DISC1: variants seen among roughly 807,000 people sequenced by gnomAD.
DISC1 encodes the protein DISC1 scaffold protein.
A neutral mutation model predicts 84.5 loss-of-function variants in DISC1; 57 were observed. The ratio of observed to expected loss-of-function variants is 0.67; its 90% confidence interval spans 0.55 to 0.84. The LOEUF is 0.84. Ranked by LOEUF, DISC1 falls within the 40% of genes least tolerant of loss-of-function variation. The pLI is 0.00. For missense variants in DISC1, 1,000 were observed against 1,057.8 expected, an observed-to-expected ratio of 0.95 and a Z score of 0.76; for synonymous variants, 411 against 415.2, an observed-to-expected ratio of 0.99 and a Z score of 0.12.
intron 7 of DISC1, among the ~76,000 whole-genome samples, chr1:231,799,806 G>C (rs1391560627): frequency 1.4e-5 from 2 of 146,894 alleles, no homozygotes; most frequent in Non-Finnish European, 3.0e-5. Context: ...CTTTATTTTT[G>C]TTCTTCTTCC....
intron 9 of DISC1, among the ~76,000 whole-genome samples, chr1:231,880,628 G>C (rs1365926446): frequency 6.6e-6 from 1 of 152,162 alleles, no homozygotes; most frequent in Non-Finnish European, 1.5e-5. Context: ...GAGACAGCAG[G>C]ATTTGCAGCA....
At chr1:231,666,974 C>T (rs1292848906) in intron 1 of DISC1, among the ~76,000 whole-genome samples, 1 of 152,154 alleles carries the variant, frequency 6.6e-6, no homozygotes, top group African/African-American at 2.4e-5. Flanking sequence ...TTATGTATTT[C>T]CAGGCGAATA....
chr1:231,841,112 T>C (rs755867410), intron 9 of DISC1, among the ~76,000 whole-genome samples: 23 of 152,156 alleles, frequency 1.5e-4, no homozygotes, highest in Admixed American at 4.6e-4. Flanking sequence ...GAAAAGCTCA[T>C]AGAAGCATTT....
intron 10 of DISC1, among the ~76,000 whole-genome samples, chr1:231,983,739 GA>G (rs1219702391): frequency 6.6e-6 from 1 of 152,028 alleles, no homozygotes; most frequent in African/African-American, 2.4e-5. Context: ...AGCTAGCAAA[GA>G]AAATACCTAA....
chr1:231,753,627 C>G (rs1179727691), intron 4 of DISC1, among the ~76,000 whole-genome samples: 1 of 152,226 alleles, frequency 6.6e-6, no homozygotes, highest in Non-Finnish European at 1.5e-5. Context: ...GCACTCAGCT[C>G]CTTTTTACTT....
In DISC1 at chr1:231,694,090, T is replaced by C; in HGVS notation, c.332T>C (p.Val111Ala). The change falls in exon 2 of 13, where the codon GTG becomes GCG. Residue 111 changes from valine to alanine, a missense_variant. By Grantham distance (64) the Val-to-Ala change is moderately conservative. Coordinates refer to ENST00000439617, the MANE Select transcript of DISC1 (RefSeq NM_018662.3). ...KSAAAPTVTS[V>A]RGTSAHFGIQ... ...GCAGCAGCCCCTACTGTGACCTCTG[T>C]GAGAGGAACCTCGGCGCACTTTGGG... The C allele has an allele frequency of 6.2e-7, 1 of 1,614,164 alleles. No individual in the cohort carries two copies. The highest frequency in any genetic ancestry group is 8.5e-7 in the Non-Finnish European group (1 of 1,180,014).
chr1:231,911,753 A>G (rs1179770724), intron 9 of DISC1, among the ~76,000 whole-genome samples: 2 of 152,146 alleles, frequency 1.3e-5, no homozygotes, highest in East Asian at 3.9e-4. Context: ...CTCCTGGATA[A>G]TATCCTGCAG....
chr1:231,896,339 C>G (rs954323173), intron 9 of DISC1, among the ~76,000 whole-genome samples: 7 of 152,124 alleles, frequency 4.6e-5, no homozygotes, highest in African/African-American at 1.7e-4. Flanking sequence ...AAAACAGCTG[C>G]CCATTTTAAA....
chr1:231,984,042 A>G (rs12057884), intron 10 of DISC1, among the ~76,000 whole-genome samples: 24,001 of 152,260 alleles, frequency 0.16, 3,633 homozygotes, highest in African/African-American at 0.39. Flanking sequence ...GCATGGGGCC[A>G]GGATTCAAAC....
At chr1:231,975,053 C>G (rs1017313322) in intron 10 of DISC1, among the ~76,000 whole-genome samples, 11 of 152,162 alleles carry the variant, frequency 7.2e-5, no homozygotes, top group Middle Eastern at 6.8e-3. Context: ...GAGCTGAGAT[C>G]GCACCACTGC....
intron 10 of DISC1, among the ~76,000 whole-genome samples, chr1:231,989,865 G>T (rs1664960082): frequency 6.6e-6 from 1 of 152,194 alleles, no homozygotes; most frequent in African/African-American, 2.4e-5. Context: ...TGCGCACCGA[G>T]TTCAGTATCT....
chr1:231,650,606 C>T (rs1029128626), intron 1 of DISC1, among the ~76,000 whole-genome samples: 6 of 152,142 alleles, frequency 3.9e-5, no homozygotes, highest in Non-Finnish European at 8.8e-5. Flanking sequence ...TGAATGTTGG[C>T]CTGCCTTGCT....
At chr1:231,896,998 T>G (rs1216476291) in intron 9 of DISC1, among the ~76,000 whole-genome samples, 1 of 152,188 alleles carries the variant, frequency 6.6e-6, no homozygotes, top group Admixed American at 6.5e-5. Context: ...CACTGACTGT[T>G]ACGGGATCTA....
rs74144201 is a variant in DISC1, at chr1:231,930,169, T to G, written c.1982-28659T>G. 7.0e-3 allele frequency among the ~76,000 whole-genome samples: 1,067 copies of G among 152,254 alleles called. 8 individuals are homozygous for G. The highest frequency in any genetic ancestry group is 0.023 in the African/African-American group (974 of 41,524). On this transcript the variant is annotated intron_variant, in intron 9 of 12. Transcript: ENST00000439617. The stretch of plus-strand genomic sequence containing the variant: ...TTCAGAAAATGTTCCCCTTATTATT[T>G]TTCTTTGATTTTTGAATTGGAAGGC...
chr1:231,888,997 C>G (rs1205222880), intron 9 of DISC1, among the ~76,000 whole-genome samples: 1 of 152,180 alleles, frequency 6.6e-6, no homozygotes, highest in Non-Finnish European at 1.5e-5. Flanking sequence ...CCCTGCATCT[C>G]TGAATGGGAG....
chr1:231,854,833 C>A, intron 9 of DISC1: 1 of 314,494 alleles, frequency 3.2e-6, no homozygotes, highest in Non-Finnish European at 6.7e-6. Context: ...TCTCCTGCCT[C>A]AGCCTCCGGA....
At chr1:231,666,137 T>C (rs1289530341) in intron 1 of DISC1, among the ~76,000 whole-genome samples, 3 of 152,076 alleles carry the variant, frequency 2.0e-5, no homozygotes, top group African/African-American at 7.2e-5. Flanking sequence ...GCAATCAAGG[T>C]AATGCTTATT....
At chr1:231,800,808 C>T (rs947180832) in intron 8 of DISC1, among the ~76,000 whole-genome samples, 41 of 151,710 alleles carry the variant, frequency 2.7e-4, no homozygotes, top group Admixed American at 9.9e-4. Context: ...GACCGTGATC[C>T]GAATGGACTG....
intron 9 of DISC1, among the ~76,000 whole-genome samples, chr1:231,915,178 G>GT (rs1016895616): frequency 5.9e-5 from 9 of 151,680 alleles, no homozygotes; most frequent in Non-Finnish European, 1.0e-4. Flanking sequence ...ATATACCTGA[G>GT]TTTTTTTTTC....
Sources: allele counts gnomAD v4.1 joint callset (sites outside exome capture counted in the v4.1 genomes callset), GRCh38; gene constraint gnomAD v4.1.1; transcripts MANE v1.5; gene names NCBI Gene and HGNC (gene_info 2026-07-23, HGNC 2026-07-21).